The following SYT15B variants were observed in gnomAD, a reference collection of about 807,000 sequenced individuals.
SYT15B encodes the protein synaptotagmin-15.
chr10:47,761,077 T>C, the SYT15B span: 1 of 618,098 alleles, frequency 1.6e-6, no homozygotes, highest in African/African-American at 1.9e-5. Context: ...TCTGGGCCCA[T>C]ACCAGGCAAC....
chr10:47,762,319 G>A, the SYT15B span, among the ~76,000 whole-genome samples: 1 of 149,980 alleles, frequency 6.7e-6, no homozygotes, highest in Non-Finnish European at 1.5e-5. Context: ...TCAGACGCTG[G>A]GTTCCAACCG....
chr10:47,755,108 C>T, the SYT15B span, among the ~76,000 whole-genome samples: 2 of 150,720 alleles, frequency 1.3e-5, no homozygotes, highest in African/African-American at 4.9e-5. Flanking sequence ...AGGCGTGCAC[C>T]ACCACGCCTA....
the SYT15B span, among the ~76,000 whole-genome samples, chr10:47,746,350 C>T: frequency 1.6e-5 from 1 of 60,628 alleles, no homozygotes; most frequent in Non-Finnish European, 3.8e-5. Context: ...AGTAGCCGGG[C>T]GTGGTGGCAC....
At chr10:47,748,659 C>T in the SYT15B span, among the ~76,000 whole-genome samples, 12 of 152,284 alleles carry the variant, frequency 7.9e-5, no homozygotes, top group African/African-American at 1.2e-4. Flanking sequence ...TCCCTCCTGT[C>T]GTTTTCTTTT....
At chr10:47,754,962 TC>T in the SYT15B span, among the ~76,000 whole-genome samples, 3 of 20,974 alleles carry the variant, frequency 1.4e-4, no homozygotes, top group Non-Finnish European at 2.6e-4. Flanking sequence ...TCTTTTCTTT[TC>T]TTTTTTTTTT....
At chr10:47,761,132 G>A in the SYT15B span, among the ~76,000 whole-genome samples, 1 of 146,224 alleles carries the variant, frequency 6.8e-6, no homozygotes, top group Non-Finnish European at 1.5e-5. Context: ...ACACACAGCA[G>A]TGGGATTTGG....
At chr10:47,762,231 G>A in the SYT15B span, among the ~76,000 whole-genome samples, 36 of 152,102 alleles carry the variant, frequency 2.4e-4, no homozygotes, top group South Asian at 2.3e-3. Flanking sequence ...TGGGGAGGAA[G>A]AGGGGGCAAG....
At chr10:47,749,033 G>GGCC in the SYT15B span, among the ~76,000 whole-genome samples, 6 of 83,824 alleles carry the variant, frequency 7.2e-5, no homozygotes, top group African/African-American at 2.3e-4. Flanking sequence ...TGGAGTTTGA[G>GGCC]ACCAGCCTGA....
chr10:47,744,746 G>T, the SYT15B span, among the ~76,000 whole-genome samples: 2 of 151,680 alleles, frequency 1.3e-5, no homozygotes, highest in Non-Finnish European at 2.9e-5. Flanking sequence ...TTTTATTCTT[G>T]TTTTCTATTT....
chr10:47,762,882 G>C, the SYT15B span: 1 of 1,438,080 alleles, frequency 7.0e-7, no homozygotes, highest in African/African-American at 1.5e-5. Context: ...CGGTGGAGGG[G>C]CGCAGAGCCG....
chr10:47,746,993 A>C, the SYT15B span, among the ~76,000 whole-genome samples: 1 of 129,048 alleles, frequency 7.7e-6, no homozygotes, highest in African/African-American at 2.9e-5. Context: ...GAACAACTGG[A>C]AAGGCTGAAT....
the SYT15B span, chr10:47,760,661 T>G: frequency 1.6e-6 from 1 of 633,256 alleles, no homozygotes; most frequent in Non-Finnish European, 2.7e-6. Context: ...CCAGAAAGAG[T>G]GGTCCCTGGG....
At chr10:47,747,267 T>G in the SYT15B span, among the ~76,000 whole-genome samples, 7 of 152,084 alleles carry the variant, frequency 4.6e-5, no homozygotes, top group Non-Finnish European at 1.0e-4. Context: ...CAGCTGGAAC[T>G]GAAGGGGCCA....
At chr10:47,755,808 G>C in the SYT15B span, among the ~76,000 whole-genome samples, 1 of 142,454 alleles carries the variant, frequency 7.0e-6, no homozygotes, top group Admixed American at 7.1e-5. Flanking sequence ...CAGCATGCCC[G>C]GCTGCTTAAC....
At chr10:47,745,376 T>TA in the SYT15B span, among the ~76,000 whole-genome samples, 1 of 149,180 alleles carries the variant, frequency 6.7e-6, no homozygotes, top group Non-Finnish European at 1.5e-5. Context: ...CTGATAGTCT[T>TA]ATGAGCAGGA....
the SYT15B span, among the ~76,000 whole-genome samples, chr10:47,748,493 G>A: frequency 1.2e-4 from 19 of 152,196 alleles, no homozygotes; most frequent in South Asian, 1.7e-3. Context: ...GATTATAGGC[G>A]TGAGCCACCG....
the SYT15B span, among the ~76,000 whole-genome samples, chr10:47,750,623 T>G: frequency 3.3e-5 from 3 of 91,608 alleles, no homozygotes; most frequent in East Asian, 3.5e-4. Flanking sequence ...ATTTTTGTGG[T>G]TTTTGTAGAG....
At chr10:47,756,739 T>C in the SYT15B span, among the ~76,000 whole-genome samples, 4 of 152,238 alleles carry the variant, frequency 2.6e-5, no homozygotes, top group East Asian at 1.9e-4. Context: ...GGGTGGGACA[T>C]GTGGGGTGAA....
the SYT15B span, among the ~76,000 whole-genome samples, chr10:47,748,433 A>C: frequency 6.6e-6 from 1 of 151,818 alleles, no homozygotes; most frequent in Non-Finnish European, 1.5e-5. Flanking sequence ...GGTTGGTCTC[A>C]AACTTCTGAC....
Sources: allele counts gnomAD v4.1 joint callset (sites outside exome capture counted in the v4.1 genomes callset), GRCh38; gene constraint gnomAD v4.1.1; transcripts MANE v1.5; gene names NCBI Gene and HGNC (gene_info 2026-07-23, HGNC 2026-07-21).